CNTN1: variants seen among roughly 807,000 people sequenced by gnomAD.
The protein encoded by CNTN1 is contactin 1, also known as contactin-1.
Under a neutral mutation model 126.4 loss-of-function variants are expected in CNTN1, and 38 were observed. The ratio of observed to expected loss-of-function variants is 0.30; its 90% confidence interval spans 0.23 to 0.39. The LOEUF is 0.39. Ranked by LOEUF, CNTN1 falls within the 10% of genes least tolerant of loss-of-function variation. The probability of loss-of-function intolerance (pLI) is 1.00; values close to 1 mark genes in which losing one functional copy is unlikely to be tolerated. For synonymous variants in CNTN1, 413 were observed against 422.6 expected, an observed-to-expected ratio of 0.98 and a Z score of 0.28; for missense variants, 1,009 against 1,248.4, an observed-to-expected ratio of 0.81 and a Z score of 2.89.
In CNTN1 at chr12:41,025,162, G is replaced by T. The variant is rs1949011850; in HGVS notation, c.2536G>T (p.Ala846Ser). Residue 846 changes from alanine to serine, a missense_variant, in exon 21 of 24, where the codon GCT (alanine) becomes TCT (serine). Transcript: ENST00000551295. The part of the protein sequence containing the change: ...IVESYQIRYW[A>S]AHDKEEAANR... Reference sequence around the variant, plus strand: ...TGAATGTTTGCAGATTCGGTATTGGGCTGCCCATGACAAAGAAGAAGCTGC... The same window carrying T: ...TGAATGTTTGCAGATTCGGTATTGGTCTGCCCATGACAAAGAAGAAGCTGC... 2 of 1,613,662 alleles carry T rather than the reference G, an allele frequency of 1.2e-6. No individual in the cohort carries two copies. Among genetic ancestry groups the T allele is most frequent in the African/African-American group, 1.3e-5 (1 of 74,846 alleles).
intron 1 of CNTN1, among the ~76,000 whole-genome samples, chr12:40,768,411 C>T (rs1323293303): frequency 8.1e-6 from 1 of 123,440 alleles, no homozygotes; most frequent in Non-Finnish European, 1.7e-5. Flanking sequence ...TTACAAATCC[C>T]TTATAAGCAC....
chr12:40,739,610 G>A (rs937883490), intron 1 of CNTN1, among the ~76,000 whole-genome samples: 3 of 152,022 alleles, frequency 2.0e-5, no homozygotes, highest in African/African-American at 7.2e-5. Context: ...CTTGGGAGGG[G>A]ATCTGGAAAG....
chr12:40,713,268 G>T (rs1443109868), intron 1 of CNTN1, among the ~76,000 whole-genome samples: 2 of 148,146 alleles, frequency 1.4e-5, no homozygotes, highest in Non-Finnish European at 3.0e-5. Flanking sequence ...AGTGATTTAT[G>T]TCATCTAGAG....
At chr12:40,936,969 C>G in intron 10 of CNTN1, 64 bp downstream of exon 10, 2 of 1,602,338 alleles carry the variant, frequency 1.2e-6, no homozygotes, top group East Asian at 4.5e-5. Context: ...CAGGGTAGTC[C>G]TGGGATAAAT....
At chr12:40,889,991 C>A (rs2136724384) in intron 1 of CNTN1, among the ~76,000 whole-genome samples, 1 of 152,196 alleles carries the variant, frequency 6.6e-6, no homozygotes, top group South Asian at 2.1e-4. Flanking sequence ...CTTTACTAGA[C>A]TCCTATCCAT....
intron 1 of CNTN1, among the ~76,000 whole-genome samples, chr12:40,783,592 T>C (rs1262629888): frequency 6.6e-6 from 1 of 152,112 alleles, no homozygotes; most frequent in Non-Finnish European, 1.5e-5. Context: ...TCTCTTACCT[T>C]AAGCATTTTC....
chr12:40,932,704 G>A (rs1945932899), intron 7 of CNTN1, among the ~76,000 whole-genome samples: 1 of 151,816 alleles, frequency 6.6e-6, no homozygotes. Context: ...GAGTGCTATA[G>A]CCCTTACCTA....
intron 1 of CNTN1, among the ~76,000 whole-genome samples, chr12:40,695,474 C>T (rs1400194800): frequency 1.3e-5 from 2 of 152,092 alleles, no homozygotes; most frequent in Admixed American, 6.5e-5. Flanking sequence ...CTGAAATAGA[C>T]AATTTATATT....
At chr12:40,841,794 T>C (rs1942294920) in intron 1 of CNTN1, among the ~76,000 whole-genome samples, 1 of 152,010 alleles carries the variant, frequency 6.6e-6, no homozygotes, top group Admixed American at 6.6e-5. Flanking sequence ...ATAAAGGCCG[T>C]ATAGGACAAA....
intron 1 of CNTN1, among the ~76,000 whole-genome samples, chr12:40,805,216 A>C (rs1940802330): frequency 6.6e-6 from 1 of 151,878 alleles, no homozygotes; most frequent in Non-Finnish European, 1.5e-5. Context: ...TTCTTTTTGG[A>C]ACATTTTCAA....
chr12:40,981,142 GTTTT>G, intron 16 of CNTN1, 75 bp downstream of exon 16: 1 of 1,496,928 alleles, frequency 6.7e-7, no homozygotes, highest in Non-Finnish European at 9.2e-7. Flanking sequence ...AAATTTGGAG[GTTTT>G]AAAAATGTCA....
intron 1 of CNTN1, among the ~76,000 whole-genome samples, chr12:40,832,203 C>T (rs979291696): frequency 6.6e-6 from 1 of 152,154 alleles, no homozygotes; most frequent in Admixed American, 6.6e-5. Context: ...ACTCCTGAAT[C>T]AGATAAATTC....
Position 40,758,086 on chromosome 12 carries a change from T to TC in CNTN1, c.-77+65494_-77+65495insC, listed in dbSNP as rs1259168046. The stretch of plus-strand genomic sequence containing the variant: ...TCTTCTTACACTTTAATTTGGTGCC[T>TC]TAGAGAAAGAAATTTTTTCCACATT... On this transcript the variant is annotated intron_variant, in intron 1 of 23. Transcript: ENST00000551295. Among the ~76,000 whole-genome samples, 17 of 151,226 alleles carry TC rather than the reference T, an allele frequency of 1.1e-4. No homozygotes were observed. The East Asian group carries it at 2.1e-3, about 19-fold the overall frequency.
intron 1 of CNTN1, among the ~76,000 whole-genome samples, chr12:40,717,676 G>A (rs920833333): frequency 5.3e-5 from 8 of 152,152 alleles, no homozygotes; most frequent in Admixed American, 6.5e-5. Flanking sequence ...TCATTTCACA[G>A]TTTTATGTAG....
At chr12:41,025,837 G>A (rs1016142887) in intron 21 of CNTN1, among the ~76,000 whole-genome samples, 6 of 152,124 alleles carry the variant, frequency 3.9e-5, no homozygotes, top group Admixed American at 2.0e-4. Context: ...GCCTATCCCT[G>A]CTCACGTTCT....
At chr12:40,748,890 A>C (rs1938286796) in intron 1 of CNTN1, among the ~76,000 whole-genome samples, 1 of 152,100 alleles carries the variant, frequency 6.6e-6, no homozygotes, top group Non-Finnish European at 1.5e-5. Context: ...GTAGTCTAAA[A>C]ATTTTAAGTG....
At chr12:40,738,202 C>T (rs891859912) in intron 1 of CNTN1, among the ~76,000 whole-genome samples, 2 of 151,880 alleles carry the variant, frequency 1.3e-5, no homozygotes, top group Non-Finnish European at 2.9e-5. Context: ...TCAGAGTGTA[C>T]AATGTTGAAC....
Position 41,029,057 on chromosome 12 carries a change from T to C in CNTN1, c.2824-6T>C, listed in dbSNP as rs201098244. On this transcript the variant is annotated splice_polypyrimidine_tract_variant and splice_region_variant and intron_variant, in intron 22 of 23. Transcript: ENST00000551295. ...ACTGCATATTTACATTTCTGTACTT[T>C]ATAAGGTACTCTACAGACCTGATGG... 2.5e-5 allele frequency: 41 copies of C among 1,613,832 alleles called. No homozygotes were observed. In the African/African-American group the frequency reaches 5.1e-4, roughly 20 times the overall value.
At chr12:40,964,764 C>T (rs1048321432) in intron 15 of CNTN1, among the ~76,000 whole-genome samples, 4 of 152,080 alleles carry the variant, frequency 2.6e-5, no homozygotes, top group East Asian at 1.9e-4. Context: ...TAAAGTAACA[C>T]GGTCGAACAA....
Sources: allele counts gnomAD v4.1 joint callset (sites outside exome capture counted in the v4.1 genomes callset), GRCh38; gene constraint gnomAD v4.1.1; transcripts MANE v1.5; gene names NCBI Gene and HGNC (gene_info 2026-07-23, HGNC 2026-07-21).